Variants in PLCE1 observed in about 807,000 individuals in gnomAD.
PLCE1 encodes the protein phospholipase C epsilon 1.
PLCE1 carries 119 observed loss-of-function variants against 242.8 expected under a neutral mutation model. The observed-to-expected ratio is 0.49, with a 90% CI of 0.42 to 0.57. The LOEUF (loss-of-function observed/expected upper bound fraction) is 0.57, where lower values mean the gene tolerates loss of function less well. PLCE1 is among the 20% of genes least tolerant of loss of function. The pLI, the probability that PLCE1 is intolerant of heterozygous loss-of-function variation, is 0.00. For synonymous variants in PLCE1, 945 were observed against 1,017.4 expected, an observed-to-expected ratio of 0.93 and a Z score of 1.35; for missense variants, 2,441 against 2,788.8, an observed-to-expected ratio of 0.88 and a Z score of 2.81.
At chr10:94,012,421 A>T (rs1487835159) in intron 1 of PLCE1, among the ~76,000 whole-genome samples, 4 of 151,886 alleles carry the variant, frequency 2.6e-5, no homozygotes, top group Non-Finnish European at 5.9e-5. Flanking sequence ...TGTGCTGCAA[A>T]CAGGGAGGAC....
chr10:94,321,492 G>A (rs2053799542), intron 29 of PLCE1, among the ~76,000 whole-genome samples: 2 of 152,144 alleles, frequency 1.3e-5, no homozygotes, highest in Admixed American at 6.5e-5. Flanking sequence ...ATTAGGCATG[G>A]TGGCACACAT....
chr10:94,310,774 T>C (rs1342991543), intron 27 of PLCE1, among the ~76,000 whole-genome samples: 1 of 152,098 alleles, frequency 6.6e-6, no homozygotes, highest in Non-Finnish European at 1.5e-5. Flanking sequence ...CTTTTCCAAC[T>C]CTCTGGCAAC....
intron 4 of PLCE1, among the ~76,000 whole-genome samples, chr10:94,199,677 T>G (rs1243724291): frequency 6.6e-6 from 1 of 152,226 alleles, no homozygotes; most frequent in African/African-American, 2.4e-5. Context: ...TGGCTCCAGT[T>G]TTTGAACTTT....
intron 9 of PLCE1, 30 bp from the exon 10 acceptor site, chr10:94,254,160 T>C (rs2050980594): frequency 6.6e-7 from 1 of 1,510,964 alleles, no homozygotes; most frequent in East Asian, 2.3e-5. Context: ...AAATACAGGC[T>C]TGGAACCATC....
chr10:94,160,470 C>G (rs1406461033), intron 3 of PLCE1, among the ~76,000 whole-genome samples: 6 of 151,838 alleles, frequency 4.0e-5, no homozygotes, highest in East Asian at 3.9e-4. Context: ...GGGGTTGTTT[C>G]TTTTTTTCTT....
chr10:94,169,998 G>T (rs1012131644), intron 3 of PLCE1, among the ~76,000 whole-genome samples: 1 of 152,208 alleles, frequency 6.6e-6, no homozygotes, highest in Non-Finnish European at 1.5e-5. Context: ...AGGGAAGAAA[G>T]AAGTCAAATT....
At chr10:94,176,375 G>C (rs1457200574) in intron 4 of PLCE1, among the ~76,000 whole-genome samples, 2 of 152,172 alleles carry the variant, frequency 1.3e-5, no homozygotes, top group Non-Finnish European at 2.9e-5. Flanking sequence ...ACTTCAGCCT[G>C]AGCAACAGAG....
At chr10:94,015,598 G>A (rs991552918) in intron 1 of PLCE1, among the ~76,000 whole-genome samples, 12 of 152,160 alleles carry the variant, frequency 7.9e-5, no homozygotes, top group Admixed American at 2.6e-4. Flanking sequence ...TGCCCCAGTC[G>A]TTTGAGAGTG....
intron 2 of PLCE1, among the ~76,000 whole-genome samples, chr10:94,073,467 C>T (rs961456382): frequency 6.6e-6 from 1 of 152,084 alleles, no homozygotes; most frequent in African/African-American, 2.4e-5. Context: ...GGAGGTCAGA[C>T]AGGGAAATAT....
intron 4 of PLCE1, among the ~76,000 whole-genome samples, chr10:94,204,802 GCAAAAT>G (rs2049105229): frequency 2.7e-5 from 1 of 37,068 alleles, no homozygotes; most frequent in African/African-American, 9.5e-5. Context: ...AAGGAAGGAA[GCAAAAT>G]AATGTGTGCT....
intron 30 of PLCE1, among the ~76,000 whole-genome samples, 200 bp downstream of exon 30, chr10:94,322,259 CAGG>C (rs1458724383): frequency 6.6e-6 from 1 of 151,892 alleles, no homozygotes; most frequent in Non-Finnish European, 1.5e-5. Context: ...GAAGCTGAGG[CAGG>C]AGGATTACTT....
intron 22 of PLCE1, among the ~76,000 whole-genome samples, chr10:94,288,499 G>A (rs756311587): frequency 1.3e-5 from 2 of 152,136 alleles, no homozygotes; most frequent in African/African-American, 2.4e-5. Flanking sequence ...GAATCACCCA[G>A]GCCACTTGAT....
At chr10:94,083,487 G>A (rs2044714022) in intron 2 of PLCE1, among the ~76,000 whole-genome samples, 2 of 152,278 alleles carry the variant, frequency 1.3e-5, no homozygotes, top group South Asian at 4.1e-4. Flanking sequence ...TGAGGGCTAG[G>A]GAAGATAAGC....
chr10:94,076,802 A>T (rs2044516643), intron 2 of PLCE1, among the ~76,000 whole-genome samples: 1 of 152,108 alleles, frequency 6.6e-6, no homozygotes, highest in Non-Finnish European at 1.5e-5. Flanking sequence ...ACCCACCTTG[A>T]GGGGGGCTTT....
chr10:94,169,770 G>A (rs757508798), intron 3 of PLCE1, among the ~76,000 whole-genome samples: 1 of 152,200 alleles, frequency 6.6e-6, no homozygotes, highest in Non-Finnish European at 1.5e-5. Flanking sequence ...TAGCATAATT[G>A]TCAGTGTCAT....
chr10:94,279,700 T>TA, intron 19 of PLCE1, 82 bp from the exon 20 acceptor site: 1 of 1,479,822 alleles, frequency 6.8e-7, no homozygotes, highest in Non-Finnish European at 9.4e-7. Context: ...ACGATTGTGT[T>TA]AAACATCAGG....
intron 29 of PLCE1, among the ~76,000 whole-genome samples, chr10:94,321,666 G>T (rs2053808949): frequency 6.7e-6 from 1 of 149,812 alleles, no homozygotes; most frequent in Non-Finnish European, 1.5e-5. Flanking sequence ...AATAGGAGCA[G>T]ATAAATTGGC....
chr10:94,086,843 C>T (rs764445759), intron 2 of PLCE1, among the ~76,000 whole-genome samples: 15 of 152,178 alleles, frequency 9.9e-5, no homozygotes, highest in Non-Finnish European at 1.9e-4. Context: ...TTCATTCCCT[C>T]AGATCCTTCA....
At chr10:94,206,648 T>C (rs1392235004) in intron 4 of PLCE1, among the ~76,000 whole-genome samples, 7 of 152,244 alleles carry the variant, frequency 4.6e-5, no homozygotes, top group Admixed American at 4.6e-4. Context: ...AAACTGCTGT[T>C]AGCAAATAGC....
Sources: allele counts gnomAD v4.1 joint callset (sites outside exome capture counted in the v4.1 genomes callset), GRCh38; gene constraint gnomAD v4.1.1; transcripts MANE v1.5; gene names NCBI Gene and HGNC (gene_info 2026-07-23, HGNC 2026-07-21).